The following C6orf163 variants were observed in gnomAD, a reference collection of about 807,000 sequenced individuals.
C6orf163 encodes uncharacterized protein C6orf163.
In C6orf163, 22 loss-of-function variants were observed where a neutral mutation model predicts 28.4. The observed-to-expected ratio is 0.78, with a 90% CI of 0.55 to 1.11. The LOEUF (loss-of-function observed/expected upper bound fraction) is 1.11. C6orf163 is among the 50% of genes least tolerant of loss of function. C6orf163 has a pLI of 0.00. For missense variants in C6orf163, 342 were observed against 389.1 expected, an observed-to-expected ratio of 0.88 and a Z score of 1.02; for synonymous variants, 110 against 123.6, an observed-to-expected ratio of 0.89 and a Z score of 0.73.
At chr6:87,363,342 T>A (rs368257757) in intron 4 of C6orf163, among the ~76,000 whole-genome samples, 3 of 151,018 alleles carry the variant, frequency 2.0e-5, no homozygotes, top group African/African-American at 7.3e-5. Context: ...TTTTTCCAAA[T>A]TTTTTAAAAA....
intron 4 of C6orf163, among the ~76,000 whole-genome samples, chr6:87,358,869 C>T (rs1487276421): frequency 6.6e-6 from 1 of 152,138 alleles, no homozygotes; most frequent in East Asian, 1.9e-4. Flanking sequence ...AAGCAAACTG[C>T]CAAAGGTCAC....
chr6:87,348,703 A>G, intron 1 of C6orf163, 109 bp from the exon 2 acceptor site: 1 of 1,455,776 alleles, frequency 6.9e-7, no homozygotes, highest in South Asian at 1.4e-5. Flanking sequence ...GGCATCTCCT[A>G]AAAGGACGTG....
intron 3 of C6orf163, 67 bp from the exon 4 acceptor site, chr6:87,356,234 G>T (rs937129767): frequency 7.9e-7 from 1 of 1,269,596 alleles, no homozygotes; most frequent in East Asian, 2.5e-5. Flanking sequence ...GGTTTAAATA[G>T]CCTCCTAATG....
rs771735516 is a variant in C6orf163, at chr6:87,345,190, C to A, written c.91C>A (p.Arg31=). The A allele has an allele frequency of 1.3e-6, 2 of 1,536,746 alleles. No individual in the cohort carries two copies. The highest frequency in any genetic ancestry group is 3.9e-5 in the Admixed American group (2 of 50,904). ...AGCCCCTTTTGGAAAAACCTTCAAA[C>A]GGATCCATGAATACAAGCCACTTAA... ...PPAPFGKTFK[R]IHEYKPLKTR... Residue 31 remains arginine, a synonymous_variant, in exon 1 of 5, where the codon CGG becomes AGG. Coordinates refer to ENST00000388923, the MANE Select transcript of C6orf163 (RefSeq NM_001010868.3).
intron 4 of C6orf163, among the ~76,000 whole-genome samples, chr6:87,364,648 C>G (rs1409047136): frequency 6.6e-6 from 1 of 152,158 alleles, no homozygotes; most frequent in Non-Finnish European, 1.5e-5. Context: ...TGACCCTTAT[C>G]TCCTCATTTT....
chr6:87,358,832 G>A (rs181239897), intron 4 of C6orf163, among the ~76,000 whole-genome samples: 27 of 152,268 alleles, frequency 1.8e-4, no homozygotes, highest in African/African-American at 6.5e-4. Context: ...CAAAGACCCT[G>A]GAGGGTTAAG....
chr6:87,348,454 A>T (rs1358258873), intron 1 of C6orf163: 2 of 1,002,222 alleles, frequency 2.0e-6, no homozygotes, highest in East Asian at 2.1e-4. Flanking sequence ...AGGAACAGGG[A>T]GAGAGAGAGC....
Position 87,352,021 on chromosome 6 carries a change from C to G in C6orf163, c.351+1520C>G, listed in dbSNP as rs539537965. On this transcript the variant is annotated intron_variant, in intron 3 of 4. Transcript: ENST00000388923. The stretch of plus-strand genomic sequence containing the variant: ...AATAATGTTATTGTACCCCACGCAG[C>G]CTTTGAGTGGAGTTGAGGTACTTAG... Among the ~76,000 whole-genome samples, 39 of 152,258 alleles carry G rather than the reference C, an allele frequency of 2.6e-4. No individual in the cohort carries two copies. In the East Asian group the frequency reaches 7.3e-3, roughly 29 times the overall value.
chr6:87,355,441 G>A (rs1049111660), intron 3 of C6orf163, among the ~76,000 whole-genome samples: 20 of 151,958 alleles, frequency 1.3e-4, no homozygotes, highest in African/African-American at 2.9e-4. Flanking sequence ...AGTGTCTGTC[G>A]TCTCAGCTAC....
chr6:87,348,236 C>A, intron 1 of C6orf163: 1 of 984,000 alleles, frequency 1.0e-6, no homozygotes, highest in Non-Finnish European at 1.2e-6. Flanking sequence ...ACTTTTATTA[C>A]CTTGTCTGGG....
intron 3 of C6orf163, 118 bp from the exon 4 acceptor site, chr6:87,356,183 A>G (rs1477871173): frequency 1.2e-6 from 1 of 808,492 alleles, no homozygotes; most frequent in East Asian, 2.7e-5. Flanking sequence ...TTAAATCATC[A>G]GTGTTAACAG....
intron 1 of C6orf163, chr6:87,348,529 T>TC: frequency 8.7e-7 from 1 of 1,152,532 alleles, no homozygotes; most frequent in Middle Eastern, 3.8e-4. Flanking sequence ...ACAAAATATG[T>TC]CCCTTTCTTC....
chr6:87,350,548 G>T (rs1408643336), intron 3 of C6orf163, 47 bp downstream of exon 3: 3 of 1,124,188 alleles, frequency 2.7e-6, no homozygotes, highest in South Asian at 1.5e-5. Context: ...AATTACATTA[G>T]TAAAAAGAAA....
Position 87,365,000 on chromosome 6 carries a change from T to A in C6orf163, c.594T>A (p.Val198=), listed in dbSNP as rs1777625206. ...VEEIVNTGVT[V]IKDEKTSVAR... Reference sequence around the variant, plus strand: ...AAATTGTGAATACTGGTGTCACAGTTATTAAGGATGAGAAGACCAGTGTGG... The same window carrying A: ...AAATTGTGAATACTGGTGTCACAGTAATTAAGGATGAGAAGACCAGTGTGG... Residue 198 remains valine, a synonymous_variant, in exon 5 of 5, where the codon GTT becomes GTA. Transcript: ENST00000388923. The A allele has an allele frequency of 3.9e-6, 6 of 1,551,392 alleles. No individual in the cohort carries two copies. The highest frequency in any genetic ancestry group is 5.2e-6 in the Non-Finnish European group (6 of 1,146,766).
At position 87,356,441 on chromosome 6, in the gene C6orf163, T is replaced by A; in HGVS notation, c.492T>A (p.Ala164=). The A allele has an allele frequency of 6.4e-7, 1 of 1,551,528 alleles. No homozygotes were observed. Among genetic ancestry groups the A allele is most frequent in the Non-Finnish European group, 8.7e-7 (1 of 1,146,942 alleles). The stretch of plus-strand genomic sequence containing the variant: ...AATGCCACAGAGAGAAGGTCGAAGC[T>A]GTGGAGAAAGCCAGGGCTGAAGAAA... ...MMECHREKVE[A]VEKARAEERH... The change falls in exon 4 of 5, where the codon GCT becomes GCA. Residue 164 remains alanine, a synonymous_variant. Transcript: ENST00000388923.
chr6:87,346,885 C>A (rs1777332655), intron 1 of C6orf163, among the ~76,000 whole-genome samples: 1 of 152,174 alleles, frequency 6.6e-6, no homozygotes, highest in Non-Finnish European at 1.5e-5. Flanking sequence ...TTCCCCTGTA[C>A]CCTTCATCCA....
At chr6:87,360,690 C>G (rs1777567986) in intron 4 of C6orf163, among the ~76,000 whole-genome samples, 1 of 152,146 alleles carries the variant, frequency 6.6e-6, no homozygotes, top group African/African-American at 2.4e-5. Context: ...CGTGAGCCAC[C>G]ATGCCCAGCC....
intron 2 of C6orf163, among the ~76,000 whole-genome samples, chr6:87,349,787 C>G (rs16879121): frequency 0.034 from 5,126 of 152,232 alleles, 302 homozygotes; most frequent in African/African-American, 0.11. Context: ...ATCTCAAAAT[C>G]TTTGTAGTCA....
At chr6:87,363,161 G>C (rs1028306099) in intron 4 of C6orf163, among the ~76,000 whole-genome samples, 2 of 152,072 alleles carry the variant, frequency 1.3e-5, no homozygotes, top group African/African-American at 4.8e-5. Context: ...CTTGGACATG[G>C]TAAGAGGTCA....
Sources: allele counts gnomAD v4.1 joint callset (sites outside exome capture counted in the v4.1 genomes callset), GRCh38; gene constraint gnomAD v4.1.1; transcripts MANE v1.5; gene names NCBI Gene and HGNC (gene_info 2026-07-23, HGNC 2026-07-21).